Variants in APBB3 observed in about 807,000 individuals in gnomAD.
The protein encoded by APBB3 is amyloid-beta A4 precursor protein-binding family B member 3.
APBB3 carries 50 observed loss-of-function variants against 61.5 expected under a neutral mutation model. The ratio of observed to expected loss-of-function variants is 0.81; its 90% CI spans 0.65 to 1.03. The LOEUF is 1.03. APBB3 is among the 50% of genes least tolerant of loss of function. The probability of loss-of-function intolerance (pLI) is 0.00; values close to 1 mark genes in which losing one functional copy is unlikely to be tolerated. For missense variants in APBB3, 550 were observed against 637.4 expected (o/e 0.86, Z 1.48); for synonymous variants, 235 against 233.0 (o/e 1.01, Z -0.08).
chr5:140,560,971 C>T lies in APBB3; in HGVS notation c.916+47G>A. The stretch of plus-strand genomic sequence containing the variant: ...TAACAGGCCTCACCTCACTCACCTT[C>T]CCCTTGCCTCACACAGCCCACCACA... On this transcript the variant is annotated intron_variant, in intron 10 of 12. Coordinates refer to ENST00000357560, the MANE Select transcript of APBB3 (RefSeq NM_133173.3). The surrounding 1 kb of genome is among the most constrained non-coding windows in gnomAD (Gnocchi z 5.1). The T allele has an allele frequency of 6.3e-7, 1 of 1,593,420 alleles. No homozygotes were observed. The highest frequency in any genetic ancestry group is 1.7e-4 in the Middle Eastern group (1 of 5,968).
In APBB3 at chr5:140,560,491, G is replaced by A. The variant is rs2127128591; in HGVS notation, c.1046C>T (p.Thr349Ile). The A allele has an allele frequency of 6.2e-7, 1 of 1,613,618 alleles. No homozygotes were observed. Among genetic ancestry groups the A allele is most frequent in the Non-Finnish European group, 8.5e-7 (1 of 1,179,756 alleles). The stretch of plus-strand genomic sequence containing the variant: ...GCACTGCCACAATGGCTCCTCCTCT[G>A]TACTGGCCTCTGCCTGCCCACACCA... The part of the protein sequence containing the change: ...TAHPIQAEAS[T>I]EEEPLWQCPV... The change falls in exon 12 of 13, where the codon ACA becomes ATA. Residue 349 changes from threonine to isoleucine, a missense_variant. Thr to Ile is a moderately conservative substitution (Grantham distance 89, BLOSUM62 -1). Transcript: ENST00000357560. The surrounding 1 kb of genome is among the most constrained non-coding windows in gnomAD (Gnocchi z 5.1).
Position 140,560,241 on chromosome 5 carries a change from C to T in APBB3, c.1224+72G>A. 8 of 1,532,708 alleles carry T rather than the reference C, an allele frequency of 5.2e-6. No individual in the cohort carries two copies. The highest frequency in any genetic ancestry group is 7.1e-6 in the Non-Finnish European group (8 of 1,126,720). The allele number at this position is 1,532,708 out of a possible 1,614,324, so 94.9% of individuals were successfully genotyped here. A position where few individuals can be genotyped will look rare whatever the true frequency, so the allele number is the denominator to read the frequency against. ...TTGTGATCTCTGAAGAGGCTGCCGA[C>T]CCGGAGCCCAAGTAAACAGTGGAGA... On this transcript the variant is annotated intron_variant, in intron 12 of 12. Transcript: ENST00000357560. The surrounding 1 kb of genome is among the most constrained non-coding windows in gnomAD (Gnocchi z 5.1).
In APBB3 at chr5:140,561,006, C is replaced by CT. The variant is rs1754927946; in HGVS notation, c.916+11dup. On this transcript the variant is annotated intron_variant, in intron 10 of 12. Transcript: ENST00000357560. ...CACACAGCCCACCACATGCAGCCCC[C>CT]TCAGTCCTCACCCATGGCCTTGGTG... is the stretch of plus-strand genomic sequence containing the variant. 2 of 1,611,238 alleles carry CT rather than the reference C, an allele frequency of 1.2e-6. No homozygotes were observed. Among genetic ancestry groups the CT allele is most frequent in the Non-Finnish European group, 1.7e-6 (2 of 1,179,888 alleles).
rs1004746086 is a variant in APBB3, at chr5:140,562,339, C to A, written c.498+14G>T. 6 of 1,613,202 alleles carry A rather than the reference C, an allele frequency of 3.7e-6. No individual in the cohort carries two copies. Among genetic ancestry groups the A allele is most frequent in the Non-Finnish European group, 5.1e-6 (6 of 1,179,578 alleles). On this transcript the variant is annotated intron_variant, in intron 5 of 12. Transcript: ENST00000357560. ...GCCCTGGGCCCAAACCATTAAAGGG[C>A]CCAGCCAACTCACCTCACCCCAGGC...
chr5:140,560,234 C>G lies in APBB3; in HGVS notation c.1224+79G>C. 6.6e-7 allele frequency: 1 copy of G among 1,506,384 alleles called. No homozygotes were observed. The highest frequency in any genetic ancestry group is 9.0e-7 in the Non-Finnish European group (1 of 1,107,928). The allele number at this position is 1,506,384 out of a possible 1,614,324, so 93.3% of individuals were successfully genotyped here. On this transcript the variant is annotated intron_variant, in intron 12 of 12. Coordinates refer to ENST00000357560, the MANE Select transcript of APBB3 (RefSeq NM_133173.3). This position sits in a 1 kb window ranked among gnomAD's most constrained non-coding sequence, Gnocchi z 5.1. The stretch of plus-strand genomic sequence containing the variant: ...CCCAGGTTTGTGATCTCTGAAGAGG[C>G]TGCCGACCCGGAGCCCAAGTAAACA...
intron 8 of APBB3, 35 bp from the exon 9 acceptor site, chr5:140,561,484 A>G: frequency 6.2e-7 from 1 of 1,614,016 alleles, no homozygotes; most frequent in Non-Finnish European, 8.5e-7. Context: ...ACCCACAGGG[A>G]GAGAGGGGAA....
Position 140,564,211 on chromosome 5 carries a change from A to T in APBB3, c.35T>A (p.Leu12Gln). 1.2e-6 allele frequency: 2 copies of T among 1,613,870 alleles called. No individual in the cohort carries two copies. Among genetic ancestry groups the T allele is most frequent in the Non-Finnish European group, 1.7e-6 (2 of 1,180,030 alleles). The change falls in exon 1 of 13, where the codon CTG (leucine) becomes CAG (glutamine). Residue 12 changes from leucine to glutamine, a missense_variant. Coordinates refer to ENST00000357560, the MANE Select transcript of APBB3 (RefSeq NM_133173.3). The surrounding 1 kb of genome is among the most constrained non-coding windows in gnomAD (Gnocchi z 5.0). ...TCCGTGCACACCATCGCAGTTGACC[A>T]GAATGATGGCCAGCATGTAATCCTT... is the stretch of plus-strand genomic sequence containing the variant. ...LGKDYMLAII[L>Q]VNCDDDLWGD...
Position 140,560,784 on chromosome 5 carries a change from G to A in APBB3, c.917-30C>T, listed in dbSNP as rs1321267800. 2.1e-5 allele frequency: 33 copies of A among 1,599,162 alleles called. No homozygotes were observed. The highest frequency in any genetic ancestry group is 2.8e-5 in the Non-Finnish European group (33 of 1,166,918). On this transcript the variant is annotated intron_variant, in intron 10 of 12. Coordinates refer to ENST00000357560, the MANE Select transcript of APBB3 (RefSeq NM_133173.3). The surrounding 1 kb of genome is among the most constrained non-coding windows in gnomAD (Gnocchi z 5.1). Reference sequence around the variant, plus strand: ...GGGAACATACCCAGCGTGTCTCCCAGTGTAAAAGAAAGAGTCTGCAGGGAG... The same window carrying A: ...GGGAACATACCCAGCGTGTCTCCCAATGTAAAAGAAAGAGTCTGCAGGGAG...
chr5:140,563,634 C>T lies in APBB3; in HGVS notation c.250G>A (p.Gly84Arg). Residue 84 changes from glycine (G) to arginine (R), a missense_variant, in exon 3 of 13, where the codon GGG becomes AGG. Coordinates refer to ENST00000357560, the MANE Select transcript of APBB3 (RefSeq NM_133173.3). Reference sequence around the variant, plus strand: ...CTCTCCAGGCTGGAGAAGGATCTCCCTTTGGGGGGCCGCAGTCCCCAGATC... The same window carrying T: ...CTCTCCAGGCTGGAGAAGGATCTCCTTTTGGGGGGCCGCAGTCCCCAGATC... Reference protein sequence around the residue: ...EGIWGLRPPKGRSFSSLESSL... With the variant: ...EGIWGLRPPKRRSFSSLESSL... The T allele has an allele frequency of 2.5e-6, 4 of 1,614,200 alleles. No homozygotes were observed. Among genetic ancestry groups the T allele is most frequent in the Non-Finnish European group, 2.5e-6 (3 of 1,180,032 alleles).
rs1274623384 is a variant in APBB3, at chr5:140,558,529, C to T, written c.*56G>A. 2.1e-5 allele frequency: 33 copies of T among 1,542,992 alleles called. 1 individual carries two copies. In the South Asian group the frequency reaches 3.1e-4, roughly 15 times the overall value. On this transcript the variant is annotated 3_prime_UTR_variant, in exon 13 of 13. Transcript: ENST00000357560. ...AGGCTATAGGCCTTGAGGAATAAAACGGTACAGAGTTAGGCATGGACCCAG... is the reference window on the plus strand; with the variant it reads ...AGGCTATAGGCCTTGAGGAATAAAATGGTACAGAGTTAGGCATGGACCCAG...
chr5:140,561,965 G>C lies in APBB3; in HGVS notation c.627-116C>G, dbSNP rs564654850. The C allele has an allele frequency of 3.1e-5, 50 of 1,611,276 alleles. No homozygotes were observed. The African/African-American group carries it at 5.1e-4, about 16-fold the overall frequency. On this transcript the variant is annotated intron_variant, in intron 6 of 12. Transcript: ENST00000357560. ...CCCCAACCAGGGCTGGACCAGGCAG[G>C]GGAAGCAGTCCTGGGTCCACATCAG...
Position 140,564,316 on chromosome 5 carries a change from C to T in APBB3, c.-71G>A. 2 of 1,567,612 alleles carry T rather than the reference C, an allele frequency of 1.3e-6. No individual in the cohort carries two copies. Among genetic ancestry groups the T allele is most frequent in the Non-Finnish European group, 1.7e-6 (2 of 1,155,198 alleles). On this transcript the variant is annotated 5_prime_UTR_variant, in exon 1 of 13. Transcript: ENST00000357560. The surrounding 1 kb of genome is among the most constrained non-coding windows in gnomAD (Gnocchi z 5.0). ...CCCAGCGCGACCTCTGGAGCTACTG[C>T]GCCTGCAAGCCCAGCCTCTCTGCGC...
Position 140,558,377 on chromosome 5 carries a change from A to G in APBB3, c.*208T>C. 1 of 669,766 alleles carries G rather than the reference A, an allele frequency of 1.5e-6. No individual in the cohort carries two copies. Among genetic ancestry groups the G allele is most frequent in the Non-Finnish European group, 2.7e-6 (1 of 376,648 alleles). 41.5% of individuals were successfully genotyped at this position (669,766 alleles called of 1,614,324 possible). ...GGCAAGGAACACAAGGACCCAAGGA[A>G]AGGGGAGCCAGGGTCCTACGTTGTG... On this transcript the variant is annotated 3_prime_UTR_variant, in exon 13 of 13. Coordinates refer to ENST00000357560, the MANE Select transcript of APBB3 (RefSeq NM_133173.3).
Position 140,563,708 on chromosome 5 carries a change from A to G in APBB3, c.214-38T>C, listed in dbSNP as rs756104632. ...AGTTAGTCAGTTTAACAGCAGACCT[A>G]GGTCCACACATGGGCTCAGACCTCC... On this transcript the variant is annotated intron_variant, in intron 2 of 12. Coordinates refer to ENST00000357560, the MANE Select transcript of APBB3 (RefSeq NM_133173.3). 4 of 1,613,910 alleles carry G rather than the reference A, an allele frequency of 2.5e-6. No homozygotes were observed. In the Admixed American group the frequency reaches 6.7e-5, roughly 27 times the overall value.
chr5:140,558,513 G>T lies in APBB3; in HGVS notation c.*72C>A. The T allele has an allele frequency of 7.1e-7, 1 of 1,412,774 alleles. No homozygotes were observed. The highest frequency in any genetic ancestry group is 1.0e-6 in the Non-Finnish European group (1 of 996,602). 87.5% of individuals were successfully genotyped at this position (1,412,774 alleles called of 1,614,324 possible). Reference sequence around the variant, plus strand: ...GGCTTCAAGGAGTGACAGGCTATAGGCCTTGAGGAATAAAACGGTACAGAG... The same window carrying T: ...GGCTTCAAGGAGTGACAGGCTATAGTCCTTGAGGAATAAAACGGTACAGAG... On this transcript the variant is annotated 3_prime_UTR_variant, in exon 13 of 13. Transcript: ENST00000357560.
At chr5:140,562,930 C>A in intron 3 of APBB3, 1 of 580,792 alleles carries the variant, frequency 1.7e-6, no homozygotes. Context: ...GGACATAGGA[C>A]CCAGACACAG....
chr5:140,562,047 C>G, intron 6 of APBB3, 53 bp downstream of exon 6: 1 of 1,612,638 alleles, frequency 6.2e-7, no homozygotes, highest in South Asian at 1.1e-5. Context: ...GGATCACAGC[C>G]TGCAGCCGGG....
rs1050586339 is a variant in APBB3 at position 140,563,527 on chromosome 5, G to A, written c.290+67C>T. On this transcript the variant is annotated intron_variant, in intron 3 of 12. Transcript: ENST00000357560. ...GAACCTGGGCTGGAAAGCAGACCAT[G>A]GGTCCAGCTGCATTTTTGAACACCA... The A allele has an allele frequency of 2.5e-6, 4 of 1,580,598 alleles. No individual in the cohort carries two copies. In the East Asian group the frequency reaches 6.7e-5, roughly 27 times the overall value.
chr5:140,564,508 G>A lies in APBB3; in HGVS notation c.-263C>T, dbSNP rs912330470. ...GTTGCGTGTTTCCGTGTGTGGGTCC[G>A]GGGGAGGCCCACGAACGCCAGCGAA... On this transcript the variant is annotated 5_prime_UTR_variant, in exon 1 of 13. Transcript: ENST00000357560. The surrounding 1 kb of genome is among the most constrained non-coding windows in gnomAD (Gnocchi z 5.0). 9 of 565,466 alleles carry A rather than the reference G, an allele frequency of 1.6e-5. No individual in the cohort carries two copies. The highest frequency in any genetic ancestry group is 5.9e-5 in the African/African-American group (3 of 50,760). The allele number at this position is 565,466 out of a possible 1,614,324, so 35.0% of individuals were successfully genotyped here.
Sources: allele counts gnomAD v4.1 joint callset, GRCh38; gene constraint gnomAD v4.1.1; non-coding constraint Gnocchi (gnomAD v3.1); transcripts MANE v1.5; gene names NCBI Gene and HGNC (gene_info 2026-07-23, HGNC 2026-07-21).